NEDD4L: variants seen among roughly 807,000 people sequenced by gnomAD.
NEDD4L encodes the protein NEDD4 like E3 ubiquitin protein ligase, also known as E3 ubiquitin-protein ligase NEDD4-like.
NEDD4L carries 54 observed loss-of-function variants against 148.9 expected under a neutral mutation model. The ratio of observed to expected loss-of-function variants is 0.36; its 90% CI spans 0.29 to 0.45. The LOEUF (loss-of-function observed/expected upper bound fraction) is 0.45. NEDD4L is among the 20% of genes least tolerant of loss of function. NEDD4L has a pLI of 1.00. For synonymous variants in NEDD4L, 433 were observed against 440.7 expected, an observed-to-expected ratio of 0.98 and a Z score of 0.22; for missense variants, 856 against 1,233.8, an observed-to-expected ratio of 0.69 and a Z score of 4.59.
chr18:58,074,267 T>A (rs1333420584), intron 1 of NEDD4L, among the ~76,000 whole-genome samples: 1 of 151,614 alleles, frequency 6.6e-6, no homozygotes, highest in Non-Finnish European at 1.5e-5. Flanking sequence ...CTAAGATTTT[T>A]TTTTTTTTTT....
rs78821694 is a variant in NEDD4L at position 58,374,469 on chromosome 18, G to A, written c.2352+1200G>A. Among the ~76,000 whole-genome samples the A allele has an allele frequency of 1.1e-3, 141 of 129,288 alleles. 2 individuals are homozygous for A. In the East Asian group the frequency reaches 0.024, roughly 22 times the overall value. The allele number at this position is 129,288 out of a possible 152,430, so 84.8% of individuals were successfully genotyped here. On this transcript the variant is annotated intron_variant, in intron 24 of 30. Transcript: ENST00000400345. ...CCCCTCCCCACTGCCCCCCTTTCCC[G>A]GCCTCCTCCCCACCCCACTGTGTTG...
intron 1 of NEDD4L, among the ~76,000 whole-genome samples, chr18:58,128,299 G>A (rs1023880033): frequency 2.0e-5 from 3 of 152,076 alleles, no homozygotes; most frequent in Non-Finnish European, 2.9e-5. Context: ...CACCCGCCTC[G>A]GCCTCCCAGC....
chr18:58,147,849 A>G (rs2034260112), intron 1 of NEDD4L, among the ~76,000 whole-genome samples: 1 of 152,040 alleles, frequency 6.6e-6, no homozygotes, highest in African/African-American at 2.4e-5. Flanking sequence ...CTTCTCTGCC[A>G]GCAAATCTCA....
At chr18:58,167,342 CCCTT>C (rs2036981909) in intron 2 of NEDD4L, among the ~76,000 whole-genome samples, 1 of 152,210 alleles carries the variant, frequency 6.6e-6, no homozygotes, top group African/African-American at 2.4e-5. Context: ...CCCTTCTCTT[CCCTT>C]TCAGAGCAAC....
chr18:58,393,619 G>A (rs2050110063), intron 30 of NEDD4L, among the ~76,000 whole-genome samples: 1 of 152,192 alleles, frequency 6.6e-6, no homozygotes, highest in African/African-American at 2.4e-5. Flanking sequence ...GCTAGCATGA[G>A]TGGGACTGTT....
At chr18:58,177,287 G>C (rs769536560) in intron 2 of NEDD4L, among the ~76,000 whole-genome samples, 3 of 152,182 alleles carry the variant, frequency 2.0e-5, no homozygotes, top group African/African-American at 4.8e-5. Context: ...TAGAAAGAGT[G>C]TAAGAAGCTC....
intron 1 of NEDD4L, among the ~76,000 whole-genome samples, chr18:58,127,587 C>G (rs1321349127): frequency 6.6e-6 from 1 of 151,620 alleles, no homozygotes; most frequent in Non-Finnish European, 1.5e-5. Flanking sequence ...CACCTGTGAT[C>G]CCAGCACTTT....
intron 1 of NEDD4L, among the ~76,000 whole-genome samples, chr18:58,147,839 C>A (rs2034259094): frequency 6.6e-6 from 1 of 152,146 alleles, no homozygotes; most frequent in African/African-American, 2.4e-5. Flanking sequence ...TATGCCTTTT[C>A]TTCTCTGCCA....
chr18:58,330,225 C>T (rs1210929026), intron 10 of NEDD4L, among the ~76,000 whole-genome samples: 1 of 152,192 alleles, frequency 6.6e-6, no homozygotes, highest in Non-Finnish European at 1.5e-5. Flanking sequence ...TTCCATAACA[C>T]ATTCACTCTA....
rs750545036 is a variant in NEDD4L at position 58,335,564 on chromosome 18, A to G, written c.1125+27A>G. The G allele has an allele frequency of 7.6e-6, 12 of 1,570,958 alleles. No homozygotes were observed. In the East Asian group the frequency reaches 1.3e-4, roughly 18 times the overall value. On this transcript the variant is annotated intron_variant, in intron 13 of 30. Transcript: ENST00000400345. ...TAATGATCCACTTTATCAGACATCAATAGCAAGAGGCCGTGAGGCAGTTTT... is the reference window on the plus strand; with the variant it reads ...TAATGATCCACTTTATCAGACATCAGTAGCAAGAGGCCGTGAGGCAGTTTT...
At chr18:58,148,993 A>G (rs560199200) in intron 1 of NEDD4L, among the ~76,000 whole-genome samples, 60 of 152,350 alleles carry the variant, frequency 3.9e-4, no homozygotes, top group African/African-American at 1.4e-3. Context: ...GAGGAGCCTA[A>G]TATTTTTGTC....
At chr18:58,150,998 C>T (rs2034658310) in intron 1 of NEDD4L, among the ~76,000 whole-genome samples, 1 of 152,202 alleles carries the variant, frequency 6.6e-6, no homozygotes, top group South Asian at 2.1e-4. Flanking sequence ...TACACCTCAA[C>T]CAGGCAGAGA....
Position 58,066,823 on chromosome 18 carries a change from C to A in NEDD4L, c.48+22115C>A, listed in dbSNP as rs139199852. ...CAGGAGGAAGAGGGGTGGGGTGCCA[C>A]ATATTTTTAAATAACCAAGCACAGA... On this transcript the variant is annotated intron_variant, in intron 1 of 30. Coordinates refer to ENST00000400345, the MANE Select transcript of NEDD4L (RefSeq NM_001144967.3). Among the ~76,000 whole-genome samples the A allele has an allele frequency of 3.2e-3, 488 of 152,126 alleles. 4 individuals are homozygous for A. The highest frequency in any genetic ancestry group is 0.011 in the African/African-American group (463 of 41,494).
Position 58,315,967 on chromosome 18 carries a change from T to C in NEDD4L, c.298-15T>C. 6.2e-7 allele frequency: 1 copy of C among 1,608,952 alleles called. No homozygotes were observed. Among genetic ancestry groups the C allele is most frequent in the Non-Finnish European group, 8.5e-7 (1 of 1,175,240 alleles). On this transcript the variant is annotated splice_polypyrimidine_tract_variant and intron_variant, in intron 5 of 30. Coordinates refer to ENST00000400345, the MANE Select transcript of NEDD4L (RefSeq NM_001144967.3). ...AAGAAATGGAAACACTAACTCTTTG[T>C]TCTCTTCCTAACAGACACGAGACGA...
chr18:58,163,660 CT>C (rs1328504909), intron 1 of NEDD4L, among the ~76,000 whole-genome samples: 1 of 152,182 alleles, frequency 6.6e-6, no homozygotes, highest in Non-Finnish European at 1.5e-5. Context: ...TTGCGAACAT[CT>C]TCTTTACCAT....
Position 58,370,416 on chromosome 18 carries a change from T to G in NEDD4L, c.2205T>G (p.Phe735Leu), listed in dbSNP as rs1242218314. The change falls in exon 23 of 31, where the codon TTT becomes TTG. Residue 735 changes from phenylalanine (F) to leucine (L), a missense_variant. By Grantham distance (22) the Phe-to-Leu change is conservative. Around this residue, in one of 4 missense-constraint regions of NEDD4L, gnomAD observed 286 missense variants for 531.8 expected, o/e 0.54. Transcript: ENST00000400345. ...KLLDGFFIRP[F>L]YKMMLGKQIT... is the part of the protein sequence containing the mutation. ...TTTTAGGTTTCTTCATTAGACCATTTTACAAGATGATGTTGGGAAAGCAGA... is the reference window on the plus strand; with the variant it reads ...TTTTAGGTTTCTTCATTAGACCATTGTACAAGATGATGTTGGGAAAGCAGA... 1.9e-6 allele frequency: 3 copies of G among 1,611,894 alleles called. No homozygotes were observed. The highest frequency in any genetic ancestry group is 2.5e-6 in the Non-Finnish European group (3 of 1,177,910).
At chr18:58,145,096 A>T (rs1356464208) in intron 1 of NEDD4L, among the ~76,000 whole-genome samples, 2 of 152,140 alleles carry the variant, frequency 1.3e-5, no homozygotes, top group African/African-American at 4.8e-5. Flanking sequence ...CTACCTCTGC[A>T]GTGGGACGAC....
intron 12 of NEDD4L, 50 bp downstream of exon 12, chr18:58,333,942 T>A (rs1402581509): frequency 8.1e-7 from 1 of 1,228,788 alleles, no homozygotes; most frequent in East Asian, 2.3e-5. Flanking sequence ...GGCTTTCATT[T>A]ACAATCATCT....
intron 23 of NEDD4L, chr18:58,372,561 G>A (rs570527423): frequency 6.6e-6 from 1 of 152,212 alleles, no homozygotes; most frequent in South Asian, 2.1e-4. Context: ...TCCCACCTTG[G>A]CCTCCCAAAG....
Sources: gnomAD v4.1 joint callset for allele counts (sites outside exome capture counted in the v4.1 genomes callset) on GRCh38, gnomAD v4.1.1 for gene constraint, gnomAD v4.1.1 regional missense constraint, MANE v1.5 for transcripts, NCBI Gene and HGNC (gene_info 2026-07-23, HGNC 2026-07-21) for gene names.